TMEM132B: variants seen among roughly 807,000 people sequenced by gnomAD.
The protein encoded by TMEM132B is transmembrane protein 132B.
A neutral mutation model predicts 90.8 loss-of-function variants in TMEM132B; 18 were observed. That is an observed-to-expected ratio of 0.20 (90% confidence interval 0.14 to 0.29). The LOEUF is 0.29. Ranked by LOEUF, TMEM132B falls within the 10% of genes least tolerant of loss-of-function variation. The probability of loss-of-function intolerance (pLI) is 1.00; values close to 1 mark genes in which losing one functional copy is unlikely to be tolerated. For synonymous variants in TMEM132B, 504 were observed against 523.3 expected (o/e 0.96, Z 0.50); for missense variants, 1,096 against 1,326.8 (o/e 0.83, Z 2.70).
chr12:125,433,055 G>C (rs951932594), intron 3 of TMEM132B, among the ~76,000 whole-genome samples: 2 of 152,218 alleles, frequency 1.3e-5, no homozygotes, highest in Non-Finnish European at 2.9e-5. Context: ...TGTCGGAGCA[G>C]ACACTTTATG....
intron 2 of TMEM132B, among the ~76,000 whole-genome samples, chr12:125,412,541 G>C (rs1879879425): frequency 6.6e-6 from 1 of 152,202 alleles, no homozygotes; most frequent in South Asian, 2.1e-4. Flanking sequence ...AGAACCAGCT[G>C]TGTGACCTTC....
chr12:125,440,362 T>C (rs1213803434), intron 3 of TMEM132B, among the ~76,000 whole-genome samples: 2 of 152,198 alleles, frequency 1.3e-5, no homozygotes, highest in African/African-American at 4.8e-5. Context: ...AAGTAGGACA[T>C]AATGAATGCA....
chr12:125,486,197 A>T (rs1882197732), intron 3 of TMEM132B, among the ~76,000 whole-genome samples: 1 of 152,242 alleles, frequency 6.6e-6, no homozygotes. Flanking sequence ...GACAGCCAGG[A>T]TGATTTCTGA....
At chr12:125,409,607 GT>G (rs2136337694) in intron 2 of TMEM132B, among the ~76,000 whole-genome samples, 2 of 119,394 alleles carry the variant, frequency 1.7e-5, no homozygotes, top group African/African-American at 7.3e-5. Context: ...GAGGAGTGGA[GT>G]GGAGTGGAGT....
At position 125,580,821 on chromosome 12, in the gene TMEM132B, A is replaced by G. The variant is rs542211085; in HGVS notation, c.1294-3030A>G. On this transcript the variant is annotated intron_variant, in intron 4 of 8. Transcript: ENST00000682704. ...AGCACATAGTCATAAAGGACTATAA[A>G]TATGCTTCAAGGCATGAAACCTAGA... Among the ~76,000 whole-genome samples, 52 of 152,344 alleles carry G rather than the reference A, an allele frequency of 3.4e-4. No individual in the cohort carries two copies. The South Asian group carries it at 3.9e-3, about 12-fold the overall frequency.
At chr12:125,479,106 G>A (rs1160499887) in intron 3 of TMEM132B, among the ~76,000 whole-genome samples, 1 of 152,172 alleles carries the variant, frequency 6.6e-6, no homozygotes. Flanking sequence ...GAGCTCCTGA[G>A]GGAAGCACTA....
intron 2 of TMEM132B, among the ~76,000 whole-genome samples, chr12:125,370,863 G>A (rs571395028): frequency 6.6e-6 from 1 of 152,326 alleles, no homozygotes; most frequent in South Asian, 2.1e-4. Flanking sequence ...TCTCTAGAGG[G>A]ACAGAACTAA....
Position 125,654,923 on chromosome 12 carries a change from G to A in TMEM132B, c.*213G>A. 3.6e-6 allele frequency: 2 copies of A among 552,272 alleles called. No homozygotes were observed. The highest frequency in any genetic ancestry group is 6.3e-6 in the Non-Finnish European group (2 of 318,692). 34.2% of individuals were successfully genotyped at this position (552,272 alleles called of 1,614,324 possible). On this transcript the variant is annotated 3_prime_UTR_variant, in exon 9 of 9. Coordinates refer to ENST00000682704, the MANE Select transcript of TMEM132B (RefSeq NM_001366854.1). The surrounding 1 kb of genome is among the most constrained non-coding windows in gnomAD (Gnocchi z 5.8). ...TCTAAAACAGCCACATGTGGGGACTGGAGAAATTCTAAGACAACAGTTTTA... is the reference window on the plus strand; with the variant it reads ...TCTAAAACAGCCACATGTGGGGACTAGAGAAATTCTAAGACAACAGTTTTA...
chr12:125,557,707 A>G (rs1884425651), intron 4 of TMEM132B, among the ~76,000 whole-genome samples: 1 of 152,182 alleles, frequency 6.6e-6, no homozygotes, highest in Admixed American at 6.5e-5. Context: ...CAGAGATAAA[A>G]AAAAATAGGT....
At chr12:125,512,245 C>T (rs1475097430) in intron 3 of TMEM132B, among the ~76,000 whole-genome samples, 1 of 152,174 alleles carries the variant, frequency 6.6e-6, no homozygotes. Context: ...CAGTGTTCTG[C>T]CCCAGCTGGT....
chr12:125,442,792 T>C (rs988535), intron 3 of TMEM132B, among the ~76,000 whole-genome samples: 30,033 of 152,094 alleles, frequency 0.2, 3,689 homozygotes, highest in African/African-American at 0.35. Context: ...GGAGTTGAGT[T>C]TCAGGCACAT....
In TMEM132B at chr12:125,485,338, G is replaced by C. The variant is rs1264845952; in HGVS notation, c.1107-34101G>C. The stretch of plus-strand genomic sequence containing the variant: ...TGTTGTTTCTTCCCCCTTTCCCCTT[G>C]GCAAAGTTCTATTTGTCCTTCACTT... On this transcript the variant is annotated intron_variant, in intron 3 of 8. Transcript: ENST00000682704. Among the ~76,000 whole-genome samples the C allele has an allele frequency of 2.0e-5, 3 of 152,180 alleles. No homozygotes were observed. In the East Asian group the frequency reaches 5.8e-4, roughly 29 times the overall value.
chr12:125,317,290 T>G (rs1028132015), intron 1 of TMEM132B, among the ~76,000 whole-genome samples: 2 of 152,164 alleles, frequency 1.3e-5, no homozygotes, highest in Admixed American at 6.5e-5. Context: ...GCGCACCGTG[T>G]GACTATTAGG....
chr12:125,653,295 A>C (rs146282451), intron 8 of TMEM132B, among the ~76,000 whole-genome samples: 1 of 152,356 alleles, frequency 6.6e-6, no homozygotes, highest in African/African-American at 2.4e-5. Context: ...AAAAAGGTCA[A>C]AGTCAAATTC....
chr12:125,634,812 C>T (rs530643693), intron 5 of TMEM132B, among the ~76,000 whole-genome samples: 2 of 152,300 alleles, frequency 1.3e-5, no homozygotes, highest in African/African-American at 2.4e-5. Flanking sequence ...AGACAAAGTT[C>T]TCCCCATTCT....
intron 1 of TMEM132B, among the ~76,000 whole-genome samples, chr12:125,304,706 C>T (rs1875915340): frequency 6.6e-6 from 1 of 152,112 alleles, no homozygotes; most frequent in South Asian, 2.1e-4. Context: ...TGCTGCTTGC[C>T]TGTAGTCCCA....
At chr12:125,409,645 GGAGTGGAGT>G in intron 2 of TMEM132B, among the ~76,000 whole-genome samples, 1 of 84,792 alleles carries the variant, frequency 1.2e-5, no homozygotes, top group African/African-American at 4.8e-5. Flanking sequence ...GTGGAGGAGT[GGAGTGGAGT>G]GGAGTGGAGT....
intron 2 of TMEM132B, among the ~76,000 whole-genome samples, chr12:125,402,856 C>T (rs986238914): frequency 4.0e-5 from 6 of 151,858 alleles, no homozygotes; most frequent in South Asian, 4.1e-4. Flanking sequence ...ATGGAAAATA[C>T]ATATAATTTT....
intron 7 of TMEM132B, among the ~76,000 whole-genome samples, chr12:125,651,204 T>G (rs1886908597): frequency 6.6e-6 from 1 of 152,208 alleles, no homozygotes; most frequent in South Asian, 2.1e-4. Flanking sequence ...ATCTAATCCC[T>G]TTTACCAAGA....
Sources: gnomAD v4.1 joint callset for allele counts (sites outside exome capture counted in the v4.1 genomes callset) on GRCh38, gnomAD v4.1.1 for gene constraint, Gnocchi (gnomAD v3.1) non-coding constraint, MANE v1.5 for transcripts, NCBI Gene and HGNC (gene_info 2026-07-23, HGNC 2026-07-21) for gene names.